Variants in RAD51B observed in about 807,000 individuals in gnomAD.
The protein encoded by RAD51B is DNA repair protein RAD51 homolog 2.
RAD51B carries 38 observed loss-of-function variants against 42.2 expected under a neutral mutation model. That is an observed-to-expected ratio of 0.90 (90% confidence interval 0.70 to 1.18). The LOEUF is 1.18. Ranked by LOEUF, RAD51B falls within the 50% of genes most tolerant of loss-of-function variation. The pLI is 0.00. For synonymous variants in RAD51B, 154 were observed against 145.2 expected, an observed-to-expected ratio of 1.06 and a Z score of -0.43; for missense variants, 373 against 400.7, an observed-to-expected ratio of 0.93 and a Z score of 0.59.
intron 7 of RAD51B, among the ~76,000 whole-genome samples, chr14:68,119,178 G>A (rs943945209): frequency 6.6e-5 from 10 of 151,396 alleles, no homozygotes; most frequent in Admixed American, 3.9e-4. Context: ...CTATAGGCAC[G>A]TGCCACCGTA....
chr14:68,564,021 G>A (rs1357926970), intron 10 of RAD51B: 2 of 844,894 alleles, frequency 2.4e-6, no homozygotes, highest in African/African-American at 3.7e-5. Flanking sequence ...ACCTGTTTCG[G>A]AACAGCTGGC....
chr14:68,065,586 C>T (rs759159873), intron 7 of RAD51B, among the ~76,000 whole-genome samples: 12 of 152,068 alleles, frequency 7.9e-5, no homozygotes, highest in East Asian at 1.9e-4. Context: ...CAGGGTGGTC[C>T]GCACTCCAGG....
At chr14:68,457,967 A>C (rs2085746310) in intron 9 of RAD51B, among the ~76,000 whole-genome samples, 1 of 151,834 alleles carries the variant, frequency 6.6e-6, no homozygotes, top group African/African-American at 2.4e-5. Flanking sequence ...AAAAAAAAAA[A>C]AAACCAACAT....
At chr14:67,934,672 C>T (rs1483245085) in intron 7 of RAD51B, among the ~76,000 whole-genome samples, 3 of 152,138 alleles carry the variant, frequency 2.0e-5, no homozygotes, top group Non-Finnish European at 2.9e-5. Flanking sequence ...TTCGTATTCT[C>T]TATTTCATTC....
chr14:68,361,007 G>T (rs1168513686), intron 8 of RAD51B, among the ~76,000 whole-genome samples: 1 of 152,198 alleles, frequency 6.6e-6, no homozygotes, highest in African/African-American at 2.4e-5. Context: ...TAGGGAGAAG[G>T]GAGAGAATGA....
At chr14:67,821,054 G>T (rs1256400100) in intron 1 of RAD51B, among the ~76,000 whole-genome samples, 2 of 152,174 alleles carry the variant, frequency 1.3e-5, no homozygotes, top group African/African-American at 2.4e-5. Flanking sequence ...AGTGTTAAAG[G>T]ATAATCGTGA....
At chr14:68,014,936 C>T (rs2075751578) in intron 7 of RAD51B, among the ~76,000 whole-genome samples, 1 of 151,062 alleles carries the variant, frequency 6.6e-6, no homozygotes, top group South Asian at 2.1e-4. Context: ...ACCCTACCCA[C>T]TAGGGCCACC....
chr14:68,005,163 C>T (rs1050609787), intron 7 of RAD51B, among the ~76,000 whole-genome samples: 14 of 148,998 alleles, frequency 9.4e-5, no homozygotes, highest in Admixed American at 2.7e-4. Flanking sequence ...AAACAATTCT[C>T]CTGCCTCAGG....
intron 7 of RAD51B, among the ~76,000 whole-genome samples, chr14:68,268,480 T>G (rs774161412): frequency 6.6e-6 from 1 of 152,150 alleles, no homozygotes; most frequent in African/African-American, 2.4e-5. Context: ...TGGATGACCT[T>G]TGTCTTATAG....
chr14:67,933,397 C>T (rs1229492796), intron 7 of RAD51B, among the ~76,000 whole-genome samples: 1 of 152,174 alleles, frequency 6.6e-6, no homozygotes, highest in Non-Finnish European at 1.5e-5. Context: ...CAGCTGTGCT[C>T]TCACAGTAGT....
At chr14:67,931,702 C>T (rs887678545) in intron 7 of RAD51B, among the ~76,000 whole-genome samples, 4 of 151,896 alleles carry the variant, frequency 2.6e-5, no homozygotes, top group African/African-American at 9.7e-5. Flanking sequence ...TGGGTTTCAC[C>T]ATGTTGGCCA....
In RAD51B at chr14:67,968,405, G is replaced by A. The variant is rs575221042; in HGVS notation, c.756+81201G>A. On this transcript the variant is annotated intron_variant, in intron 7 of 10. Transcript: ENST00000471583. ...TTCTTTTCTACTGCATCATCAGGCT[G>A]CAAGTTTTCTAAGTTTTATGCTCTG... 4.6e-5 allele frequency among the ~76,000 whole-genome samples: 7 copies of A among 152,304 alleles called. No individual in the cohort carries two copies. The East Asian group carries it at 1.3e-3, about 29-fold the overall frequency.
intron 7 of RAD51B, among the ~76,000 whole-genome samples, chr14:67,948,971 C>A (rs1198123719): frequency 7.4e-6 from 1 of 135,522 alleles, no homozygotes; most frequent in African/African-American, 2.9e-5. Flanking sequence ...AATGTACATA[C>A]CTTAATTTAA....
chr14:68,411,167 T>A (rs927419157), intron 8 of RAD51B, among the ~76,000 whole-genome samples: 1 of 152,194 alleles, frequency 6.6e-6, no homozygotes, highest in African/African-American at 2.4e-5. Context: ...CAATGCAACC[T>A]CTTTTTGATA....
chr14:68,069,148 C>G (rs1419456230), intron 7 of RAD51B, among the ~76,000 whole-genome samples: 1 of 152,114 alleles, frequency 6.6e-6, no homozygotes. Flanking sequence ...ATTGCTCTTT[C>G]TTTTTAGGCT....
chr14:68,287,711 T>C (rs2081439101), intron 7 of RAD51B, among the ~76,000 whole-genome samples: 1 of 152,190 alleles, frequency 6.6e-6, no homozygotes, highest in Non-Finnish European at 1.5e-5. Flanking sequence ...TTGTTATTTG[T>C]CAGTAGTGGC....
intron 7 of RAD51B, among the ~76,000 whole-genome samples, chr14:68,053,645 A>G (rs1048575108): frequency 2.6e-5 from 4 of 152,214 alleles, no homozygotes; most frequent in African/African-American, 9.6e-5. Context: ...GGGCTGTACC[A>G]TCAGTAGTCC....
intron 10 of RAD51B, among the ~76,000 whole-genome samples, chr14:68,473,637 C>A (rs1474699003): frequency 1.3e-5 from 2 of 151,874 alleles, no homozygotes; most frequent in African/African-American, 4.8e-5. Flanking sequence ...CAGAACAGTA[C>A]AGAAAATCAT....
At chr14:68,081,355 C>T (rs559247853) in intron 7 of RAD51B, among the ~76,000 whole-genome samples, 6 of 152,280 alleles carry the variant, frequency 3.9e-5, no homozygotes, top group Admixed American at 3.3e-4. Context: ...GACTGTGGTC[C>T]TGGCCCACAG....
Sources: gnomAD v4.1 joint callset for allele counts (sites outside exome capture counted in the v4.1 genomes callset) on GRCh38, gnomAD v4.1.1 for gene constraint, MANE v1.5 for transcripts, NCBI Gene and HGNC (gene_info 2026-07-23, HGNC 2026-07-21) for gene names.